Variants in MNAT1 observed in about 807,000 individuals in gnomAD.
MNAT1 encodes the protein CDK-activating kinase assembly factor MAT1.
MNAT1 carries 43 observed loss-of-function variants against 42.0 expected under a neutral mutation model. The observed-to-expected ratio is 1.02, with a 90% CI of 0.80 to 1.32. The LOEUF (loss-of-function observed/expected upper bound fraction) is 1.32, where lower values mean the gene tolerates loss of function less well. Ranked by LOEUF, MNAT1 falls within the 40% of genes most tolerant of loss-of-function variation. The probability of loss-of-function intolerance (pLI) is 0.00; values close to 1 mark genes in which losing one functional copy is unlikely to be tolerated. For missense variants in MNAT1, 306 were observed against 350.4 expected, an observed-to-expected ratio of 0.87 and a Z score of 1.01; for synonymous variants, 118 against 120.0, an observed-to-expected ratio of 0.98 and a Z score of 0.11.
chr14:60,920,850 A>G (rs963419488), intron 7 of MNAT1, among the ~76,000 whole-genome samples: 1 of 152,212 alleles, frequency 6.6e-6, no homozygotes, highest in Non-Finnish European at 1.5e-5. Context: ...TTTAAAAGGA[A>G]AAACAATCAG....
chr14:60,797,966 A>G, intron 2 of MNAT1, 121 bp from the exon 3 acceptor site: 1 of 541,360 alleles, frequency 1.8e-6, no homozygotes, highest in African/African-American at 1.9e-5. Context: ...ACGATGTTTT[A>G]CACAGTAAGC....
At chr14:60,752,081 G>T (rs911474543) in intron 1 of MNAT1, among the ~76,000 whole-genome samples, 3 of 151,912 alleles carry the variant, frequency 2.0e-5, no homozygotes, top group African/African-American at 7.3e-5. Context: ...TTACTTCCTG[G>T]TGTTAACTGA....
chr14:60,911,314 C>T (rs1476950341), intron 7 of MNAT1, among the ~76,000 whole-genome samples: 3 of 152,068 alleles, frequency 2.0e-5, no homozygotes, highest in African/African-American at 7.2e-5. Context: ...TTTTTTGTGT[C>T]TCTATTTCCG....
chr14:60,756,434 A>G lies in MNAT1; in HGVS notation c.89+21483A>G, dbSNP rs75041426. On this transcript the variant is annotated intron_variant, in intron 1 of 7. Transcript: ENST00000261245. The stretch of plus-strand genomic sequence containing the variant: ...CTGAACTTTTATAGAGTATGAGCTA[A>G]GAAGTGCTTTTCCCATTACTAAGGA... 3.9e-3 allele frequency among the ~76,000 whole-genome samples: 597 copies of G among 152,324 alleles called. 19 individuals are homozygous for G. In the East Asian group the frequency reaches 0.07, roughly 18 times the overall value.
intron 1 of MNAT1, among the ~76,000 whole-genome samples, chr14:60,748,658 G>T (rs965101747): frequency 1.3e-5 from 2 of 152,156 alleles, no homozygotes; most frequent in Non-Finnish European, 2.9e-5. Context: ...CCCTCTCCAC[G>T]TTTTTTCTCA....
chr14:60,846,728 A>G (rs1334827646), intron 6 of MNAT1, among the ~76,000 whole-genome samples: 1 of 152,180 alleles, frequency 6.6e-6, no homozygotes, highest in East Asian at 1.9e-4. Context: ...GTATGATCCC[A>G]ATTTTTAAAA....
intron 7 of MNAT1, among the ~76,000 whole-genome samples, chr14:60,942,520 A>G (rs763031950): frequency 6.8e-6 from 1 of 148,146 alleles, no homozygotes; most frequent in Non-Finnish European, 1.5e-5. Flanking sequence ...ATCTCGCGGT[A>G]CTGACATTTG....
At chr14:60,825,303 A>T (rs1389141212) in intron 6 of MNAT1, among the ~76,000 whole-genome samples, 1 of 152,240 alleles carries the variant, frequency 6.6e-6, no homozygotes, top group Non-Finnish European at 1.5e-5. Context: ...CATAGTATTT[A>T]CATGAATTCA....
intron 7 of MNAT1, among the ~76,000 whole-genome samples, chr14:60,922,331 G>T (rs2035678645): frequency 6.6e-6 from 1 of 152,062 alleles, no homozygotes; most frequent in Admixed American, 6.6e-5. Context: ...GGATGGATAG[G>T]AGAATAGCAG....
At chr14:60,874,739 A>G (rs749906646) in intron 6 of MNAT1, among the ~76,000 whole-genome samples, 4 of 152,120 alleles carry the variant, frequency 2.6e-5, no homozygotes, top group African/African-American at 4.8e-5. Flanking sequence ...GATAATTTAG[A>G]ATAATATCTA....
At chr14:60,918,362 C>T (rs2139545456) in intron 7 of MNAT1, among the ~76,000 whole-genome samples, 2 of 151,198 alleles carry the variant, frequency 1.3e-5, no homozygotes, top group East Asian at 3.9e-4. Flanking sequence ...GCGCCCGCAA[C>T]CATACCGGGC....
chr14:60,925,789 GCTT>G (rs1255288397), intron 7 of MNAT1, among the ~76,000 whole-genome samples: 1 of 152,012 alleles, frequency 6.6e-6, no homozygotes, highest in African/African-American at 2.4e-5. Context: ...TTCATGTCTG[GCTT>G]CTTTCATGTT....
chr14:60,871,251 A>G (rs549338358), intron 6 of MNAT1, among the ~76,000 whole-genome samples: 2 of 152,294 alleles, frequency 1.3e-5, no homozygotes, highest in African/African-American at 4.8e-5. Flanking sequence ...ATGAACATTC[A>G]TGTACAAGTC....
intron 7 of MNAT1, among the ~76,000 whole-genome samples, chr14:60,915,659 C>G (rs1173460012): frequency 6.6e-6 from 1 of 152,232 alleles, no homozygotes; most frequent in Non-Finnish European, 1.5e-5. Flanking sequence ...ATAGCTTAGT[C>G]TCTCCTGTCC....
chr14:60,858,257 GAT>G (rs1357081989), intron 6 of MNAT1, among the ~76,000 whole-genome samples: 1 of 152,072 alleles, frequency 6.6e-6, no homozygotes, highest in Non-Finnish European at 1.5e-5. Context: ...ACTTTTTAAT[GAT>G]TGCCATTCTC....
chr14:60,932,492 T>C (rs2035910628), intron 7 of MNAT1, among the ~76,000 whole-genome samples: 1 of 152,068 alleles, frequency 6.6e-6, no homozygotes, highest in Non-Finnish European at 1.5e-5. Context: ...AAATAATGAT[T>C]AATATAGTTC....
At chr14:60,901,180 T>A (rs2035065731) in intron 7 of MNAT1, among the ~76,000 whole-genome samples, 1 of 152,126 alleles carries the variant, frequency 6.6e-6, no homozygotes, top group East Asian at 1.9e-4. Context: ...GTATGCTAAA[T>A]CTACTCTGCC....
At chr14:60,931,898 T>TAC (rs1489651944) in intron 7 of MNAT1, among the ~76,000 whole-genome samples, 1 of 151,962 alleles carries the variant, frequency 6.6e-6, no homozygotes, top group Admixed American at 6.6e-5. Flanking sequence ...CTCCCTTAGA[T>TAC]ACTGAGCCTA....
rs140830262 is a variant in MNAT1, at chr14:60,822,579, C to T, written c.687+3732C>T. Among the ~76,000 whole-genome samples, 770 of 151,608 alleles carry T rather than the reference C, an allele frequency of 5.1e-3. 14 individuals are homozygous for T. The highest frequency in any genetic ancestry group is 0.017 in the African/African-American group (723 of 41,336). On this transcript the variant is annotated intron_variant, in intron 6 of 7. Transcript: ENST00000261245. ...TAACTGGGTTTACAGGCTCACACCA[C>T]CACTCTGGGCTAGTTTTTAAGAATT...
Sources: gnomAD v4.1 joint callset for allele counts (sites outside exome capture counted in the v4.1 genomes callset) on GRCh38, gnomAD v4.1.1 for gene constraint, MANE v1.5 for transcripts, NCBI Gene and HGNC (gene_info 2026-07-23, HGNC 2026-07-21) for gene names.